MOB3B: variants seen among roughly 807,000 people sequenced by gnomAD.
The protein encoded by MOB3B is MOB kinase activator-like 2B.
Under a neutral mutation model 18.7 loss-of-function variants are expected in MOB3B, and 7 were observed. The ratio of observed to expected loss-of-function variants is 0.37; its 90% CI spans 0.21 to 0.70. The LOEUF (loss-of-function observed/expected upper bound fraction) is 0.70. MOB3B is among the 30% of genes least tolerant of loss of function. MOB3B has a pLI of 0.52. For missense variants in MOB3B, 253 were observed against 281.3 expected, an observed-to-expected ratio of 0.90 and a Z score of 0.72; for synonymous variants, 111 against 99.9, an observed-to-expected ratio of 1.11 and a Z score of -0.66.
At chr9:27,337,373 T>C (rs1314600542) in intron 3 of MOB3B, among the ~76,000 whole-genome samples, 2 of 152,156 alleles carry the variant, frequency 1.3e-5, no homozygotes, top group African/African-American at 4.8e-5. Flanking sequence ...ATCTTGAAAA[T>C]TCCCTCTCTC....
chr9:27,402,515 T>C (rs181209637), intron 2 of MOB3B, among the ~76,000 whole-genome samples: 2 of 152,322 alleles, frequency 1.3e-5, no homozygotes, highest in East Asian at 1.9e-4. Flanking sequence ...CATTGCCTGG[T>C]GTACAATAGG....
intron 2 of MOB3B, among the ~76,000 whole-genome samples, chr9:27,434,348 A>G (rs189981657): frequency 8.4e-4 from 128 of 152,056 alleles, no homozygotes; most frequent in Non-Finnish European, 1.5e-3. Flanking sequence ...GTTTTCTCTT[A>G]ACTCTCTGAC....
chr9:27,483,961 G>A (rs895023), intron 1 of MOB3B, among the ~76,000 whole-genome samples: 138,559 of 152,232 alleles, frequency 0.91, 63,559 homozygotes, highest in East Asian at 1. Flanking sequence ...TCTTGTAGGG[G>A]ATAAGGGTTT....
intron 1 of MOB3B, among the ~76,000 whole-genome samples, chr9:27,517,002 C>T (rs868397745): frequency 3.9e-5 from 6 of 152,180 alleles, no homozygotes; most frequent in African/African-American, 9.7e-5. Context: ...GCTGGTGGCA[C>T]GATCATATAC....
At chr9:27,403,666 AG>A (rs1563860063) in intron 2 of MOB3B, among the ~76,000 whole-genome samples, 2 of 151,930 alleles carry the variant, frequency 1.3e-5, no homozygotes, top group Admixed American at 1.3e-4. Flanking sequence ...TGTTTAGAAG[AG>A]ACAGGGTTTC....
At chr9:27,482,795 C>T (rs1378466917) in intron 1 of MOB3B, among the ~76,000 whole-genome samples, 1 of 152,176 alleles carries the variant, frequency 6.6e-6, no homozygotes, top group Non-Finnish European at 1.5e-5. Flanking sequence ...TTTGGTTGTA[C>T]TCTGCAAAAA....
intron 2 of MOB3B, among the ~76,000 whole-genome samples, chr9:27,453,422 T>C (rs1464557796): frequency 1.3e-5 from 2 of 152,190 alleles, no homozygotes; most frequent in African/African-American, 4.8e-5. Flanking sequence ...CTAAGCATAC[T>C]GAATGACTAA....
chr9:27,528,539 C>A (rs1234894238), intron 1 of MOB3B, among the ~76,000 whole-genome samples: 2 of 152,240 alleles, frequency 1.3e-5, no homozygotes, highest in South Asian at 2.1e-4. Context: ...CGGGGTGGGG[C>A]GGCCTCGCTG....
intron 1 of MOB3B, among the ~76,000 whole-genome samples, chr9:27,528,779 A>AC (rs1760247552): frequency 6.6e-6 from 1 of 151,202 alleles, no homozygotes; most frequent in African/African-American, 2.4e-5. Context: ...AAAGAGCGCG[A>AC]GGGGGGGGAT....
intron 2 of MOB3B, chr9:27,397,555 A>C (rs912553086): frequency 6.6e-6 from 1 of 152,200 alleles, no homozygotes; most frequent in African/African-American, 2.4e-5. Flanking sequence ...TAATGAGTGC[A>C]AATCTGTGAA....
chr9:27,445,959 T>C (rs1253969256), intron 2 of MOB3B, among the ~76,000 whole-genome samples: 1 of 152,188 alleles, frequency 6.6e-6, no homozygotes, highest in Non-Finnish European at 1.5e-5. Flanking sequence ...CTGGGCTGGA[T>C]GATGTAGAAA....
At chr9:27,342,152 T>TG (rs1820951537) in intron 3 of MOB3B, among the ~76,000 whole-genome samples, 1 of 152,092 alleles carries the variant, frequency 6.6e-6, no homozygotes, top group Admixed American at 6.6e-5. Context: ...GCATTTAGCA[T>TG]GGGGGTCTTT....
rs1257982595 is a variant in MOB3B at position 27,450,123 on chromosome 9, G to A, written c.418+5010C>T. Among the ~76,000 whole-genome samples, 4 of 152,232 alleles carry A rather than the reference G, an allele frequency of 2.6e-5. No individual in the cohort carries two copies. The South Asian group carries it at 6.2e-4, about 24-fold the overall frequency. On this transcript the variant is annotated intron_variant, in intron 2 of 3. Coordinates refer to ENST00000262244, the MANE Select transcript of MOB3B (RefSeq NM_024761.5). ...TCCCTTGCCACAGCATGTGAGGGAGGATGAGACTCAGCTGTAGTCTCATCG... is the reference window on the plus strand; with the variant it reads ...TCCCTTGCCACAGCATGTGAGGGAGAATGAGACTCAGCTGTAGTCTCATCG...
intron 3 of MOB3B, among the ~76,000 whole-genome samples, chr9:27,346,724 G>A (rs1369826029): frequency 6.6e-6 from 1 of 152,180 alleles, no homozygotes; most frequent in Non-Finnish European, 1.5e-5. Flanking sequence ...GCCGGGTGCG[G>A]TGGCTCATGC....
intron 2 of MOB3B, among the ~76,000 whole-genome samples, chr9:27,447,353 G>C (rs1822708570): frequency 6.6e-6 from 1 of 152,154 alleles, no homozygotes; most frequent in African/African-American, 2.4e-5. Context: ...ACTAAGGAAG[G>C]ATGCCATGGC....
intron 2 of MOB3B, among the ~76,000 whole-genome samples, chr9:27,435,940 C>T (rs1469335048): frequency 6.6e-6 from 1 of 152,170 alleles, no homozygotes; most frequent in East Asian, 1.9e-4. Context: ...GGCCCTGCTC[C>T]CTCTGTGACT....
At chr9:27,377,014 G>T (rs905458087) in intron 2 of MOB3B, among the ~76,000 whole-genome samples, 1 of 152,186 alleles carries the variant, frequency 6.6e-6, no homozygotes, top group Non-Finnish European at 1.5e-5. Context: ...ACACGATCTT[G>T]GGCAAATGAC....
intron 2 of MOB3B, among the ~76,000 whole-genome samples, chr9:27,392,337 T>C (rs963089265): frequency 6.6e-6 from 1 of 152,232 alleles, no homozygotes; most frequent in Non-Finnish European, 1.5e-5. Flanking sequence ...AAGAGTATTC[T>C]ATAATGCAAA....
intron 1 of MOB3B, among the ~76,000 whole-genome samples, chr9:27,476,040 T>G (rs1323268444): frequency 6.6e-6 from 1 of 152,212 alleles, no homozygotes; most frequent in African/African-American, 2.4e-5. Flanking sequence ...GTTGCTATAT[T>G]GGTTTACAAA....
Sources: gnomAD v4.1 joint callset for allele counts (sites outside exome capture counted in the v4.1 genomes callset) on GRCh38, gnomAD v4.1.1 for gene constraint, MANE v1.5 for transcripts, NCBI Gene and HGNC (gene_info 2026-07-23, HGNC 2026-07-21) for gene names.